Variants in RBAK observed in about 807,000 individuals in gnomAD.
RBAK encodes the protein RB associated KRAB zinc finger, also known as RB-associated KRAB zinc finger protein.
RBAK carries 39 observed loss-of-function variants against 65.8 expected under a neutral mutation model. That is an observed-to-expected ratio of 0.59 (90% CI 0.46 to 0.77). The LOEUF is 0.77. Among genes scored for constraint, RBAK ranks in the 30% least tolerant of loss-of-function variants. RBAK has a pLI of 0.00. For missense variants in RBAK, 884 were observed against 855.1 expected, an observed-to-expected ratio of 1.03 and a Z score of -0.42; for synonymous variants, 343 against 289.7, an observed-to-expected ratio of 1.18 and a Z score of -1.87.
At chr7:5,062,756 C>A (rs1440098418) in intron 4 of RBAK, among the ~76,000 whole-genome samples, 1 of 152,172 alleles carries the variant, frequency 6.6e-6, no homozygotes, top group African/African-American at 2.4e-5. Flanking sequence ...TCTATAGGCC[C>A]ACCCCTAGGC....
At chr7:5,049,974 C>G (rs1788080419) in intron 2 of RBAK, among the ~76,000 whole-genome samples, 1 of 152,130 alleles carries the variant, frequency 6.6e-6, no homozygotes, top group Non-Finnish European at 1.5e-5. Context: ...CCGCCTCGGC[C>G]TCCCAAAATG....
chr7:5,050,627 C>G (rs562631629), intron 2 of RBAK, among the ~76,000 whole-genome samples: 1 of 152,320 alleles, frequency 6.6e-6, no homozygotes, highest in East Asian at 1.9e-4. Flanking sequence ...CTCTGTCACC[C>G]AGGCTGTCGT....
At chr7:5,055,279 T>TCAC (rs1562535502) in intron 2 of RBAK, among the ~76,000 whole-genome samples, 5 of 144,674 alleles carry the variant, frequency 3.5e-5, no homozygotes, top group African/African-American at 1.4e-4. Context: ...TGTGTGTGTG[T>TCAC]GCGTGCGTGT....
intron 2 of RBAK, among the ~76,000 whole-genome samples, chr7:5,050,328 T>TA (rs1191384197): frequency 6.6e-6 from 1 of 152,242 alleles, no homozygotes; most frequent in Non-Finnish European, 1.5e-5. Flanking sequence ...ATTTAAAAAA[T>TA]ATATCTTTTA....
At chr7:5,049,710 T>G (rs1415430607) in intron 2 of RBAK, among the ~76,000 whole-genome samples, 1 of 152,074 alleles carries the variant, frequency 6.6e-6, no homozygotes, top group Non-Finnish European at 1.5e-5. Context: ...CTGTTTTGTT[T>G]TGTTTTGTTC....
rs1000439611 is a variant in RBAK at position 5,048,371 on chromosome 7, A to C, written c.15+280A>C. ...GTATTTTTAGAAGAGACAGGGTTTCACCATGTTGGCCAGGCTGGTCTCAAA... is the reference window on the plus strand; with the variant it reads ...GTATTTTTAGAAGAGACAGGGTTTCCCCATGTTGGCCAGGCTGGTCTCAAA... On this transcript the variant is annotated intron_variant, in intron 2 of 4. Transcript: ENST00000396912. This position sits in a 1 kb window ranked among gnomAD's most constrained non-coding sequence, Gnocchi z 4.4. Among the ~76,000 whole-genome samples the C allele has an allele frequency of 2.1e-4, 32 of 151,982 alleles. No individual in the cohort carries two copies. Among genetic ancestry groups the C allele is most frequent in the African/African-American group, 7.7e-4 (32 of 41,366 alleles).
intron 2 of RBAK, among the ~76,000 whole-genome samples, chr7:5,054,813 T>C (rs1157017422): frequency 6.6e-6 from 1 of 152,182 alleles, no homozygotes; most frequent in African/African-American, 2.4e-5. Flanking sequence ...TGAACTGTAG[T>C]GTCAGCTTAT....
chr7:5,054,417 A>AC (rs1176531881), intron 2 of RBAK, among the ~76,000 whole-genome samples: 2 of 151,848 alleles, frequency 1.3e-5, no homozygotes, highest in Admixed American at 1.3e-4. Context: ...AAAAAAAAAA[A>AC]AAAAACCATT....
chr7:5,056,406 C>G (rs542549730), intron 2 of RBAK, among the ~76,000 whole-genome samples: 5 of 152,152 alleles, frequency 3.3e-5, no homozygotes, highest in African/African-American at 1.2e-4. Context: ...GCATGAGCCA[C>G]CATGCCCAGC....
chr7:5,055,563 A>T (rs1431986747), intron 2 of RBAK, among the ~76,000 whole-genome samples: 1 of 152,126 alleles, frequency 6.6e-6, no homozygotes, highest in Non-Finnish European at 1.5e-5. Flanking sequence ...TAGATTTCCA[A>T]ATATTAAACT....
At chr7:5,062,424 G>A (rs1026459573) in intron 4 of RBAK, among the ~76,000 whole-genome samples, 2 of 152,150 alleles carry the variant, frequency 1.3e-5, no homozygotes, top group Non-Finnish European at 2.9e-5. Context: ...CTTTCAAAAG[G>A]GGAGGGAGTG....
chr7:5,054,569 GTCTC>G (rs1055553094), intron 2 of RBAK, among the ~76,000 whole-genome samples: 2 of 151,928 alleles, frequency 1.3e-5, no homozygotes, highest in Middle Eastern at 3.2e-3. Flanking sequence ...AAGTCCTCAT[GTCTC>G]TCTCTATATA....
chr7:5,049,221 T>C (rs1183570112), intron 2 of RBAK, among the ~76,000 whole-genome samples: 1 of 152,312 alleles, frequency 6.6e-6, no homozygotes. Context: ...TCTTGGTGCT[T>C]ATGTAAGCAG....
rs144244958 is a variant in RBAK, at chr7:5,063,900, G to T, written c.444G>T (p.Ser148=). The T allele has an allele frequency of 6.2e-7, 1 of 1,613,874 alleles. No individual in the cohort carries two copies. The highest frequency in any genetic ancestry group is 8.5e-7 in the Non-Finnish European group (1 of 1,179,902). The change falls in exon 5 of 5, where the codon TCG becomes TCT. Residue 148 remains serine, a synonymous_variant. Coordinates refer to ENST00000396912, the MANE Select transcript of RBAK (RefSeq NM_021163.4). ...VSCGKNLESI[S]QLISSDGSYA... Reference sequence around the variant, plus strand: ...GTGGAAAGAATTTAGAATCTATTTCGCAATTAATTAGTAGTGATGGAAGCT... The same window carrying T: ...GTGGAAAGAATTTAGAATCTATTTCTCAATTAATTAGTAGTGATGGAAGCT...
At position 5,064,480 on chromosome 7, in the gene RBAK, G is replaced by A; in HGVS notation, c.1024G>A (p.Glu342Lys). The A allele has an allele frequency of 1.2e-6, 2 of 1,614,034 alleles. No individual in the cohort carries two copies. Among genetic ancestry groups the A allele is most frequent in the Non-Finnish European group, 1.7e-6 (2 of 1,179,980 alleles). Residue 342 changes from glutamate to lysine, a missense_variant, in exon 5 of 5, where the codon GAG becomes AAG. Physicochemically the swap from Glu to Lys is moderately conservative, Grantham distance 56 (BLOSUM62 1). Transcript: ENST00000396912. The surrounding 1 kb of genome is among the most constrained non-coding windows in gnomAD (Gnocchi z 6.3). ...LTQHLRTHSG[E>K]KPYECSECGK... is the part of the protein sequence containing the mutation. ...TCAACACCTAAGAACTCATTCAGGAGAGAAACCCTACGAATGTAGCGAATG... is the reference window on the plus strand; with the variant it reads ...TCAACACCTAAGAACTCATTCAGGAAAGAAACCCTACGAATGTAGCGAATG...
At position 5,066,110 on chromosome 7, in the gene RBAK, T is replaced by C. The variant is rs1779212289; in HGVS notation, c.*509T>C. On this transcript the variant is annotated 3_prime_UTR_variant, in exon 5 of 5. Transcript: ENST00000396912. ...GCATTAAATAAGTATATGGCCGTTT[T>C]TTATCATGTCTTAAAAATGCAATCT... 1 of 152,622 alleles carries C rather than the reference T, an allele frequency of 6.6e-6. No homozygotes were observed. Among genetic ancestry groups the C allele is most frequent in the Non-Finnish European group, 1.5e-5 (1 of 68,024 alleles). 9.5% of individuals were successfully genotyped at this position (152,622 alleles called of 1,614,324 possible).
intron 4 of RBAK, among the ~76,000 whole-genome samples, chr7:5,063,439 C>G (rs1462783423): frequency 1.3e-5 from 2 of 150,744 alleles, no homozygotes; most frequent in African/African-American, 4.9e-5. Flanking sequence ...TGAATTTACT[C>G]TTCTATTTTC....
intron 2 of RBAK, among the ~76,000 whole-genome samples, chr7:5,049,345 G>C (rs1788065171): frequency 6.6e-6 from 1 of 152,178 alleles, no homozygotes; most frequent in Non-Finnish European, 1.5e-5. Context: ...TAGATCATGG[G>C]GGGAATGAAT....
intron 2 of RBAK, among the ~76,000 whole-genome samples, chr7:5,050,617 C>G (rs544258516): frequency 1.3e-5 from 2 of 152,200 alleles, no homozygotes; most frequent in Non-Finnish European, 2.9e-5. Flanking sequence ...CAGAGTCTCA[C>G]TCTGTCACCC....
Sources: allele counts gnomAD v4.1 joint callset (sites outside exome capture counted in the v4.1 genomes callset), GRCh38; gene constraint gnomAD v4.1.1; non-coding constraint Gnocchi (gnomAD v3.1); transcripts MANE v1.5; gene names NCBI Gene and HGNC (gene_info 2026-07-23, HGNC 2026-07-21).